TOM1: variants seen among roughly 807,000 people sequenced by gnomAD.
TOM1 encodes target of Myb protein 1.
TOM1 carries 38 observed loss-of-function variants against 61.3 expected under a neutral mutation model. The observed-to-expected ratio is 0.62, with a 90% CI of 0.48 to 0.81. The LOEUF (loss-of-function observed/expected upper bound fraction) is 0.81, where lower values mean the gene tolerates loss of function less well. Ranked by LOEUF, TOM1 falls within the 40% of genes least tolerant of loss-of-function variation. The pLI is 0.00. For synonymous variants in TOM1, 270 were observed against 268.8 expected (o/e 1.00, Z -0.04); for missense variants, 591 against 659.6 (o/e 0.90, Z 1.14).
chr22:35,345,700 C>T (rs1157979800), intron 12 of TOM1, 25 bp from the exon 13 acceptor site: 3 of 1,612,536 alleles, frequency 1.9e-6, no homozygotes, highest in Non-Finnish European at 2.5e-6. Context: ...TAGGGCACTG[C>T]CTTACCCTCT....
At chr22:35,333,539 G>C in intron 10 of TOM1, 42 bp downstream of exon 10, 1 of 1,582,926 alleles carries the variant, frequency 6.3e-7, no homozygotes, top group Non-Finnish European at 8.7e-7. Context: ...GTACATTATG[G>C]TACTGTGGGC....
chr22:35,330,758 C>T (rs541575009), intron 8 of TOM1, among the ~76,000 whole-genome samples: 1 of 152,334 alleles, frequency 6.6e-6, no homozygotes, highest in East Asian at 1.9e-4. Context: ...GCTGAGAGCA[C>T]GGCCCTGCAA....
At chr22:35,299,674 T>TA (rs1925526695), upstream of TOM1, 12 of 495,810 alleles carry the variant, frequency 2.4e-5, no homozygotes, top group Admixed American at 3.9e-4. Context: ...GGACCGCGCT[T>TA]CCCGGGCCCC....
rs138770 is a variant in TOM1, at chr22:35,308,275, C to CT, written c.52+8310dup. 6.6e-3 allele frequency among the ~76,000 whole-genome samples: 855 copies of CT among 129,374 alleles called. 11 individuals carry two copies. The highest frequency in any genetic ancestry group is 0.015 in the African/African-American group (538 of 36,924). 84.9% of individuals were successfully genotyped at this position (129,374 alleles called of 152,430 possible). ...CTTTCTTTCTGCTAGTTCCTTTTCTCTTTTTTTTTTTTTTTCTTTTTTTTT... is the reference window on the plus strand; with the variant it reads ...CTTTCTTTCTGCTAGTTCCTTTTCTCTTTTTTTTTTTTTTTTCTTTTTTTTT... On this transcript the variant is annotated intron_variant, in intron 1 of 14. Coordinates refer to ENST00000449058, the MANE Select transcript of TOM1 (RefSeq NM_005488.3).
At chr22:35,300,494 C>G (rs1017731059) in intron 1 of TOM1, among the ~76,000 whole-genome samples, 1 of 152,236 alleles carries the variant, frequency 6.6e-6, no homozygotes, top group African/African-American at 2.4e-5. Context: ...CCGGACAGCC[C>G]GCGGCCAGGC....
intron 1 of TOM1, among the ~76,000 whole-genome samples, chr22:35,306,865 A>G (rs1030532176): frequency 2.0e-5 from 3 of 152,228 alleles, no homozygotes; most frequent in Non-Finnish European, 4.4e-5. Flanking sequence ...GGTGGCCACC[A>G]CATTCACAGA....
intron 12 of TOM1, among the ~76,000 whole-genome samples, chr22:35,341,745 GC>G (rs1169713867): frequency 6.6e-6 from 1 of 152,130 alleles, no homozygotes; most frequent in Admixed American, 6.5e-5. Context: ...CTTGCAGCCC[GC>G]CCACAGGGAG....
In TOM1 at chr22:35,346,956, G is replaced by C. The variant is rs776963797; in HGVS notation, c.1311G>C (p.Gly437=). ...DVGNDAEEPK[G]VTSEEFDKFL... ...GTAATGATGCGGAAGAGCCTAAGGGGGTCACCAGCGAAGGTAGTAGTCCCC... is the reference window on the plus strand; with the variant it reads ...GTAATGATGCGGAAGAGCCTAAGGGCGTCACCAGCGAAGGTAGTAGTCCCC... The change falls in exon 14 of 15, where the codon GGG becomes GGC. Residue 437 remains glycine, a synonymous_variant. Coordinates refer to ENST00000449058, the MANE Select transcript of TOM1 (RefSeq NM_005488.3). 1 of 1,612,712 alleles carries C rather than the reference G, an allele frequency of 6.2e-7. No individual in the cohort carries two copies. The highest frequency in any genetic ancestry group is 8.5e-7 in the Non-Finnish European group (1 of 1,179,582).
chr22:35,306,690 A>G (rs527965628), intron 1 of TOM1, among the ~76,000 whole-genome samples: 15 of 152,340 alleles, frequency 9.8e-5, no homozygotes, highest in African/African-American at 3.4e-4. Context: ...CCTGCCAGAC[A>G]GGAAGTCTCT....
intron 6 of TOM1, among the ~76,000 whole-genome samples, chr22:35,324,412 C>CAAAA (rs58401864): frequency 2.8e-4 from 17 of 61,164 alleles, no homozygotes; most frequent in South Asian, 1.4e-3. Context: ...AGACCTGTTT[C>CAAAA]AAAAAAAAAA....
At chr22:35,315,185 C>T (rs1180414233) in intron 1 of TOM1, among the ~76,000 whole-genome samples, 2 of 151,836 alleles carry the variant, frequency 1.3e-5, no homozygotes, top group Non-Finnish European at 2.9e-5. Flanking sequence ...GGATGGTGGC[C>T]GGGCTGGGGC....
chr22:35,332,930 G>T (rs766810565), intron 8 of TOM1, 51 bp from the exon 9 acceptor site: 2 of 1,597,606 alleles, frequency 1.3e-6, no homozygotes, highest in South Asian at 2.2e-5. Context: ...GGCCGTGTGT[G>T]GGGGCCTGTC....
intron 2 of TOM1, among the ~76,000 whole-genome samples, chr22:35,321,505 T>C (rs1927779078): frequency 6.6e-6 from 1 of 151,978 alleles, no homozygotes; most frequent in Non-Finnish European, 1.5e-5. Context: ...TTCAAGCGAT[T>C]CTCCCGCCTC....
At chr22:35,322,262 A>T (rs1224041002) in intron 3 of TOM1, 2 of 546,412 alleles carry the variant, frequency 3.7e-6, no homozygotes, top group Non-Finnish European at 6.6e-6. Context: ...AGACGCTTAC[A>T]TCACTCCAGA....
At chr22:35,309,128 G>A (rs962299994) in intron 1 of TOM1, among the ~76,000 whole-genome samples, 1 of 152,164 alleles carries the variant, frequency 6.6e-6, no homozygotes, top group Non-Finnish European at 1.5e-5. Flanking sequence ...TGTTTGTAGA[G>A]GATAGCATTT....
At chr22:35,333,334 C>T in intron 9 of TOM1, 70 bp from the exon 10 acceptor site, 1 of 1,429,386 alleles carries the variant, frequency 7.0e-7, no homozygotes, top group South Asian at 1.2e-5. Flanking sequence ...CTGCAAGCCA[C>T]AGTGCTTGGG....
chr22:35,318,148 T>G, intron 2 of TOM1, 187 bp downstream of exon 2: 1 of 594,098 alleles, frequency 1.7e-6, no homozygotes, highest in South Asian at 2.0e-5. Context: ...AAGGTAGGAA[T>G]TCACAGCTGG....
chr22:35,325,361 G>A (rs1928219421), intron 6 of TOM1, among the ~76,000 whole-genome samples: 1 of 152,194 alleles, frequency 6.6e-6, no homozygotes, highest in Non-Finnish European at 1.5e-5. Context: ...AGCAAGTTAT[G>A]AAATCACCCC....
At chr22:35,302,366 G>A (rs1183773608) in intron 1 of TOM1, among the ~76,000 whole-genome samples, 2 of 107,950 alleles carry the variant, frequency 1.9e-5, no homozygotes, top group Non-Finnish European at 1.7e-5. Context: ...ACTGCGTTTC[G>A]CTCTTGTTGC....
Sources: gnomAD v4.1 joint callset for allele counts (sites outside exome capture counted in the v4.1 genomes callset) on GRCh38, gnomAD v4.1.1 for gene constraint, MANE v1.5 for transcripts, NCBI Gene and HGNC (gene_info 2026-07-23, HGNC 2026-07-21) for gene names.